The following TRHDE variants were observed in gnomAD, a reference collection of about 807,000 sequenced individuals.
TRHDE encodes thyrotropin-releasing hormone-degrading ectoenzyme.
TRHDE carries 72 observed loss-of-function variants against 125.7 expected under a neutral mutation model. The observed-to-expected ratio is 0.57, with a 90% CI of 0.47 to 0.70. The LOEUF is 0.70. TRHDE is among the 30% of genes least tolerant of loss of function. TRHDE has a pLI of 0.00. For missense variants in TRHDE, 1,110 were observed against 1,327.1 expected, an observed-to-expected ratio of 0.84 and a Z score of 2.54; for synonymous variants, 509 against 509.1, an observed-to-expected ratio of 1.00 and a Z score of 0.00.
At chr12:72,272,341 G>C (rs1356235857), upstream of TRHDE, 1 of 360,934 alleles carries the variant, frequency 2.8e-6, no homozygotes, top group Admixed American at 3.8e-5. This position sits in a 1 kb window ranked among gnomAD's most constrained non-coding sequence, Gnocchi z 6.7. Context: ...GGCGGGGGCA[G>C]CATGTGCCCC....
At chr12:72,617,286 A>T (rs1319267886) in intron 12 of TRHDE, among the ~76,000 whole-genome samples, 1 of 152,112 alleles carries the variant, frequency 6.6e-6, no homozygotes, top group Non-Finnish European at 1.5e-5. Flanking sequence ...AAATCGTTAG[A>T]GTGTCACACA....
At chr12:72,151,753 A>G (rs1170195743) in intron 2 of TRHDE, among the ~76,000 whole-genome samples, 13 of 151,802 alleles carry the variant, frequency 8.6e-5, no homozygotes, top group Admixed American at 2.0e-4. Context: ...CCATTGGTCT[A>G]TATCTCTGTT....
intron 2 of TRHDE, among the ~76,000 whole-genome samples, chr12:72,294,715 C>G (rs1880221717): frequency 6.6e-6 from 1 of 152,106 alleles, no homozygotes; most frequent in Admixed American, 6.5e-5. Context: ...CCCTTCCACC[C>G]AGGAATCTTT....
intron 15 of TRHDE, among the ~76,000 whole-genome samples, chr12:72,647,159 T>TAGC (rs1413541663): frequency 6.6e-6 from 1 of 151,822 alleles, no homozygotes; most frequent in African/African-American, 2.4e-5. Context: ...TACAAATCAA[T>TAGC]AGCAAAAAGA....
At chr12:72,532,126 A>G (rs1868587194) in intron 6 of TRHDE, among the ~76,000 whole-genome samples, 1 of 151,966 alleles carries the variant, frequency 6.6e-6, no homozygotes, top group Non-Finnish European at 1.5e-5. Flanking sequence ...AATTTTCTCC[A>G]TGAAAACTCT....
At chr12:72,568,280 T>A (rs867990015) in intron 9 of TRHDE, among the ~76,000 whole-genome samples, 6 of 152,124 alleles carry the variant, frequency 3.9e-5, no homozygotes, top group African/African-American at 4.8e-5. Flanking sequence ...TTAGGTACTT[T>A]CTATTTCAAA....
intron 1 of TRHDE, among the ~76,000 whole-genome samples, chr12:72,275,752 A>C (rs1258771595): frequency 6.6e-6 from 1 of 152,116 alleles, no homozygotes. Context: ...TTTCTGCTTG[A>C]ACCGTAACTG....
At chr12:72,400,394 A>G (rs879699928) in intron 3 of TRHDE, among the ~76,000 whole-genome samples, 3 of 152,218 alleles carry the variant, frequency 2.0e-5, no homozygotes, top group Admixed American at 6.5e-5. Context: ...ATCTTGGACT[A>G]CGCCTACATT....
At chr12:72,456,261 A>G (rs1446281860) in intron 3 of TRHDE, among the ~76,000 whole-genome samples, 1 of 151,550 alleles carries the variant, frequency 6.6e-6, no homozygotes, top group Non-Finnish European at 1.5e-5. Flanking sequence ...GTCAGGCTAG[A>G]AGGGTGGAAA....
At chr12:72,647,054 G>A (rs1044607154) in intron 15 of TRHDE, among the ~76,000 whole-genome samples, 22 of 152,090 alleles carry the variant, frequency 1.4e-4, no homozygotes, top group Middle Eastern at 3.4e-3. Context: ...CTTTCTCCAA[G>A]TTGGATTACA....
chr12:72,234,536 A>G (rs1344871356), intron 2 of TRHDE, among the ~76,000 whole-genome samples: 1 of 152,186 alleles, frequency 6.6e-6, no homozygotes, highest in Non-Finnish European at 1.5e-5. Context: ...TAGTGTTAGT[A>G]AATAGAAGGT....
chr12:72,187,483 G>GGTC (rs1301589369), intron 2 of TRHDE, among the ~76,000 whole-genome samples: 3,034 of 145,714 alleles, frequency 0.021, 71 homozygotes, highest in African/African-American at 0.037. Context: ...TGGTCGTGGT[G>GGTC]GTGGTGGTGG....
chr12:72,425,942 T>A (rs1874166118), intron 3 of TRHDE, among the ~76,000 whole-genome samples: 1 of 150,084 alleles, frequency 6.7e-6, no homozygotes, highest in African/African-American at 2.4e-5. Context: ...ATATATATAA[T>A]TACAAAAGGT....
intron 3 of TRHDE, among the ~76,000 whole-genome samples, chr12:72,396,221 G>T (rs1223970540): frequency 6.6e-6 from 1 of 152,166 alleles, no homozygotes; most frequent in Non-Finnish European, 1.5e-5. Flanking sequence ...AACATTTCCT[G>T]ATCTTGATTG....
intron 2 of TRHDE, among the ~76,000 whole-genome samples, chr12:72,165,202 C>T (rs1302012216): frequency 6.6e-6 from 1 of 152,112 alleles, no homozygotes; most frequent in Non-Finnish European, 1.5e-5. Context: ...TTGGATTATT[C>T]CTTCTTTGTT....
intron 7 of TRHDE, among the ~76,000 whole-genome samples, chr12:72,556,930 A>G (rs1271417995): frequency 6.6e-6 from 1 of 152,156 alleles, no homozygotes; most frequent in Non-Finnish European, 1.5e-5. Flanking sequence ...AGGCTGCTGT[A>G]CCCTGTCTCA....
chr12:72,619,614 A>C (rs1565812605), intron 13 of TRHDE, among the ~76,000 whole-genome samples: 1 of 152,182 alleles, frequency 6.6e-6, no homozygotes, highest in Non-Finnish European at 1.5e-5. Flanking sequence ...CTGAACTCAA[A>C]ACCTAGTAAA....
chr12:72,167,773 G>A (rs1876784478), intron 2 of TRHDE: 1 of 152,122 alleles, frequency 6.6e-6, no homozygotes, highest in Non-Finnish European at 1.5e-5. Flanking sequence ...AAATGTAATG[G>A]GAGACATGGG....
At chr12:72,267,706 A>G (rs1159014201), upstream of TRHDE, among the ~76,000 whole-genome samples, 2 of 152,032 alleles carry the variant, frequency 1.3e-5, no homozygotes, top group Admixed American at 1.3e-4. Context: ...AAACAAATTC[A>G]TGGTTTCACA....
Sources: gnomAD v4.1 joint callset for allele counts (sites outside exome capture counted in the v4.1 genomes callset) on GRCh38, gnomAD v4.1.1 for gene constraint, Gnocchi (gnomAD v3.1) non-coding constraint, MANE v1.5 for transcripts, NCBI Gene and HGNC (gene_info 2026-07-23, HGNC 2026-07-21) for gene names.